Variants in STXBP5L observed in about 807,000 individuals in gnomAD.
STXBP5L encodes syntaxin-binding protein 5-like.
A neutral mutation model predicts 144.5 loss-of-function variants in STXBP5L; 65 were observed. The ratio of observed to expected loss-of-function variants is 0.45; its 90% CI spans 0.37 to 0.55. The LOEUF is 0.55. Ranked by LOEUF, STXBP5L falls within the 20% of genes least tolerant of loss-of-function variation. The pLI is 0.00. For missense variants in STXBP5L, 1,298 were observed against 1,405.5 expected, an observed-to-expected ratio of 0.92 and a Z score of 1.22; for synonymous variants, 505 against 469.6, an observed-to-expected ratio of 1.08 and a Z score of -0.97.
chr3:120,992,004 A>G (rs1942937882), intron 3 of STXBP5L, among the ~76,000 whole-genome samples: 2 of 152,244 alleles, frequency 1.3e-5, no homozygotes, highest in South Asian at 4.1e-4. Flanking sequence ...AAAAAAATTA[A>G]TATTTATATG....
At chr3:121,307,065 G>C (rs1216240889) in intron 19 of STXBP5L, among the ~76,000 whole-genome samples, 1 of 152,048 alleles carries the variant, frequency 6.6e-6, no homozygotes. Context: ...ACTGAATACT[G>C]TGCCTTCTGA....
intron 21 of STXBP5L, among the ~76,000 whole-genome samples, chr3:121,380,412 T>C (rs2046296377): frequency 6.6e-6 from 1 of 152,192 alleles, no homozygotes; most frequent in Admixed American, 6.5e-5. Context: ...GTTACATGTG[T>C]ACCTATCAAG....
intron 9 of STXBP5L, among the ~76,000 whole-genome samples, chr3:121,197,557 T>C (rs2047969846): frequency 6.6e-6 from 1 of 152,198 alleles, no homozygotes; most frequent in South Asian, 2.1e-4. Context: ...TACATAGGTA[T>C]ACATGTGCCA....
At chr3:121,088,160 C>G (rs1032776922) in intron 5 of STXBP5L, among the ~76,000 whole-genome samples, 1 of 148,354 alleles carries the variant, frequency 6.7e-6, no homozygotes, top group Non-Finnish European at 1.5e-5. Flanking sequence ...AGGCAAACTA[C>G]AACATGGGAG....
intron 10 of STXBP5L, 61 bp downstream of exon 10, chr3:121,206,062 C>A (rs1577206964): frequency 1.0e-6 from 1 of 970,646 alleles, no homozygotes; most frequent in East Asian, 2.9e-5. Context: ...TGCAGATGAC[C>A]TTTAATGTTA....
At position 121,352,468 on chromosome 3, in the gene STXBP5L, G is replaced by T. The variant is rs183884288; in HGVS notation, c.2177-26248G>T. Among the ~76,000 whole-genome samples, 7 of 152,168 alleles carry T rather than the reference G, an allele frequency of 4.6e-5. No homozygotes were observed. In the East Asian group the frequency reaches 1.2e-3, roughly 25 times the overall value. Reference sequence around the variant, plus strand: ...CAATTGCAAATGGGAATTCACTCATGATTTGGCTCTCTGTTTGTCTGTTAT... The same window carrying T: ...CAATTGCAAATGGGAATTCACTCATTATTTGGCTCTCTGTTTGTCTGTTAT... On this transcript the variant is annotated intron_variant, in intron 20 of 26. Transcript: ENST00000471454.
intron 6 of STXBP5L, among the ~76,000 whole-genome samples, chr3:121,120,119 T>G (rs2044392615): frequency 6.6e-6 from 1 of 151,490 alleles, no homozygotes; most frequent in East Asian, 1.9e-4. Context: ...AATATTTAAC[T>G]TTAATTCAGG....
At chr3:121,186,100 T>A (rs1398972770) in intron 9 of STXBP5L, among the ~76,000 whole-genome samples, 11 of 152,164 alleles carry the variant, frequency 7.2e-5, no homozygotes, top group Admixed American at 2.6e-4. Context: ...TCTCTGTTTG[T>A]CTGTTATTGG....
At chr3:121,063,552 G>C (rs904690197) in intron 5 of STXBP5L, among the ~76,000 whole-genome samples, 1 of 152,162 alleles carries the variant, frequency 6.6e-6, no homozygotes, top group Non-Finnish European at 1.5e-5. Flanking sequence ...TTCAGAACTA[G>C]CAGCCAGGAA....
At chr3:121,353,296 T>C (rs1401645827) in intron 20 of STXBP5L, among the ~76,000 whole-genome samples, 1 of 152,212 alleles carries the variant, frequency 6.6e-6, no homozygotes, top group Non-Finnish European at 1.5e-5. Context: ...AATTTGTCTG[T>C]GAATCCGTCT....
chr3:121,015,968 C>A (rs190900205), intron 3 of STXBP5L, among the ~76,000 whole-genome samples: 1 of 152,140 alleles, frequency 6.6e-6, no homozygotes. Context: ...ACATGCTAAC[C>A]AGTCTTCATA....
chr3:121,275,757 T>C (rs1228521565), intron 18 of STXBP5L, among the ~76,000 whole-genome samples: 3 of 152,148 alleles, frequency 2.0e-5, no homozygotes, highest in Non-Finnish European at 4.4e-5. Flanking sequence ...CTTAAGAAAT[T>C]GATTCCTTAA....
intron 12 of STXBP5L, among the ~76,000 whole-genome samples, chr3:121,237,992 A>T (rs954398255): frequency 3.3e-5 from 5 of 152,136 alleles, no homozygotes; most frequent in Non-Finnish European, 5.9e-5. Context: ...AATCTCTAAG[A>T]AGTTCCAAAC....
chr3:121,168,810 G>A (rs373401659), intron 9 of STXBP5L, among the ~76,000 whole-genome samples: 5 of 152,078 alleles, frequency 3.3e-5, no homozygotes, highest in Admixed American at 1.3e-4. Flanking sequence ...AGCAAGGAAG[G>A]CCAACATTCA....
At chr3:121,368,923 T>C (rs886635884) in intron 20 of STXBP5L, among the ~76,000 whole-genome samples, 1 of 151,964 alleles carries the variant, frequency 6.6e-6, no homozygotes, top group Non-Finnish European at 1.5e-5. Flanking sequence ...AGACAGAGGG[T>C]GTAGGGCTTG....
intron 3 of STXBP5L, among the ~76,000 whole-genome samples, chr3:120,988,588 G>A (rs1942527698): frequency 6.6e-6 from 1 of 152,020 alleles, no homozygotes; most frequent in South Asian, 2.1e-4. Context: ...TCTTTTGTTG[G>A]ATGAAATATT....
At chr3:121,299,423 A>G (rs1559949024) in intron 19 of STXBP5L, among the ~76,000 whole-genome samples, 1 of 152,148 alleles carries the variant, frequency 6.6e-6, no homozygotes, top group Non-Finnish European at 1.5e-5. Flanking sequence ...ACTACCAAGG[A>G]ACCTAAATTG....
At chr3:121,345,918 G>C (rs778055916) in intron 20 of STXBP5L, among the ~76,000 whole-genome samples, 1 of 151,674 alleles carries the variant, frequency 6.6e-6, no homozygotes, top group Non-Finnish European at 1.5e-5. Flanking sequence ...TAATGATTTA[G>C]TCTTTGTTCT....
chr3:121,077,710 G>A (rs879535822), intron 5 of STXBP5L, among the ~76,000 whole-genome samples: 50 of 152,218 alleles, frequency 3.3e-4, no homozygotes, highest in Middle Eastern at 3.4e-3. Context: ...TGATTGGTGC[G>A]TTTACAATCC....
Sources: gnomAD v4.1 joint callset for allele counts (sites outside exome capture counted in the v4.1 genomes callset) on GRCh38, gnomAD v4.1.1 for gene constraint, MANE v1.5 for transcripts, NCBI Gene and HGNC (gene_info 2026-07-23, HGNC 2026-07-21) for gene names.